Variants in RNF220 observed in about 807,000 individuals in gnomAD.
RNF220 encodes the protein E3 ubiquitin-protein ligase RNF220.
A neutral mutation model predicts 67.1 loss-of-function variants in RNF220; 7 were observed. That is an observed-to-expected ratio of 0.10 (90% CI 0.06 to 0.20). The LOEUF is 0.20. Among genes scored for constraint, RNF220 ranks in the 10% least tolerant of loss-of-function variants. The pLI is 1.00. For missense variants in RNF220, 565 were observed against 740.3 expected (o/e 0.76, Z 2.75); for synonymous variants, 270 against 283.2 (o/e 0.95, Z 0.47).
At chr1:44,461,132 C>G (rs577067718) in intron 2 of RNF220, among the ~76,000 whole-genome samples, 1 of 152,254 alleles carries the variant, frequency 6.6e-6, no homozygotes, top group Non-Finnish European at 1.5e-5. Flanking sequence ...AGTCTGGTGC[C>G]TAGTCAGTAC....
chr1:44,620,525 A>G (rs1009352617), intron 3 of RNF220, among the ~76,000 whole-genome samples: 2 of 152,214 alleles, frequency 1.3e-5, no homozygotes, highest in African/African-American at 4.8e-5. Context: ...AAACTCAAAA[A>G]CTAGTTGCTC....
intron 8 of RNF220, among the ~76,000 whole-genome samples, chr1:44,642,352 A>G (rs904190188): frequency 6.6e-6 from 1 of 152,228 alleles, no homozygotes; most frequent in African/African-American, 2.4e-5. Context: ...ATAAAGGTTG[A>G]AAGAATGGCA....
At chr1:44,576,612 C>T (rs1664822137) in intron 2 of RNF220, among the ~76,000 whole-genome samples, 1 of 152,244 alleles carries the variant, frequency 6.6e-6, no homozygotes, top group South Asian at 2.1e-4. Flanking sequence ...CCAGTGTAAA[C>T]CGGATTTGCC....
At chr1:44,636,502 C>T (rs1644335901) in intron 8 of RNF220, 1 of 715,422 alleles carries the variant, frequency 1.4e-6, no homozygotes, top group Admixed American at 2.0e-5. Context: ...ATCACTCCAT[C>T]CCTCTTAAGG....
At chr1:44,583,793 T>A (rs1357760885) in intron 2 of RNF220, among the ~76,000 whole-genome samples, 4 of 152,246 alleles carry the variant, frequency 2.6e-5, no homozygotes, top group Admixed American at 2.0e-4. Flanking sequence ...TATGTGCCTC[T>A]CATTCCAAAT....
intron 2 of RNF220, among the ~76,000 whole-genome samples, chr1:44,598,338 A>G (rs931143379): frequency 2.6e-5 from 4 of 152,186 alleles, no homozygotes; most frequent in Admixed American, 2.0e-4. Flanking sequence ...AACGAGGCTA[A>G]TGCGGTAAGT....
intron 2 of RNF220, among the ~76,000 whole-genome samples, chr1:44,517,354 C>G (rs1266968791): frequency 1.3e-5 from 2 of 152,180 alleles, no homozygotes; most frequent in Non-Finnish European, 2.9e-5. Flanking sequence ...TTCCCTCTCT[C>G]CAGCCTCCTT....
At position 44,534,445 on chromosome 1, in the gene RNF220, G is replaced by C. The variant is rs536595274; in HGVS notation, c.626-79720G>C. On this transcript the variant is annotated intron_variant, in intron 2 of 14. Coordinates refer to ENST00000361799, the MANE Select transcript of RNF220 (RefSeq NM_018150.4). ...CCCGTTAACTCGTCATTTAGCATTAGGTATATCTCCTAATGCTATCCCTCC... is the reference window on the plus strand; with the variant it reads ...CCCGTTAACTCGTCATTTAGCATTACGTATATCTCCTAATGCTATCCCTCC... 5.9e-5 allele frequency among the ~76,000 whole-genome samples: 9 copies of C among 152,126 alleles called. No homozygotes were observed. The East Asian group carries it at 1.7e-3, about 29-fold the overall frequency.
chr1:44,523,508 C>T (rs1660102793), intron 2 of RNF220, among the ~76,000 whole-genome samples: 1 of 152,236 alleles, frequency 6.6e-6, no homozygotes, highest in African/African-American at 2.4e-5. Flanking sequence ...ATGCCATCCC[C>T]TTGCTAAGGC....
At chr1:44,502,489 C>T (rs1004356942) in intron 2 of RNF220, among the ~76,000 whole-genome samples, 1 of 150,548 alleles carries the variant, frequency 6.6e-6, no homozygotes, top group Non-Finnish European at 1.5e-5. Context: ...TATTAGGCCT[C>T]ATCTTCCTGG....
chr1:44,631,902 T>G (rs1028715978), intron 5 of RNF220: 11 of 986,056 alleles, frequency 1.1e-5, no homozygotes, highest in African/African-American at 7.0e-5. Flanking sequence ...CTGGTCTCTG[T>G]CCGGCCGCCC....
At chr1:44,548,000 T>C (rs1222431447) in intron 2 of RNF220, among the ~76,000 whole-genome samples, 1 of 152,112 alleles carries the variant, frequency 6.6e-6, no homozygotes, top group African/African-American at 2.4e-5. Flanking sequence ...ACTTGTTCTC[T>C]TTCCTTCATT....
At chr1:44,498,367 A>G (rs1657534085) in intron 2 of RNF220, among the ~76,000 whole-genome samples, 1 of 152,102 alleles carries the variant, frequency 6.6e-6, no homozygotes, top group African/African-American at 2.4e-5. Flanking sequence ...CATTTGCTTC[A>G]GTCACTACAC....
Position 44,417,348 on chromosome 1 carries a change from G to T in RNF220, c.625+4626G>T, listed in dbSNP as rs543687532. ...AGTCATGGAGACTCTTTTTCATGCTGCTGGGTTTAATTGTCTTGTTGGGAT... is the reference window on the plus strand; with the variant it reads ...AGTCATGGAGACTCTTTTTCATGCTTCTGGGTTTAATTGTCTTGTTGGGAT... On this transcript the variant is annotated intron_variant, in intron 2 of 14. Transcript: ENST00000361799. This position sits in a 1 kb window ranked among gnomAD's most constrained non-coding sequence, Gnocchi z 4.0. 6.6e-6 allele frequency among the ~76,000 whole-genome samples: 1 copy of T among 150,850 alleles called. No individual in the cohort carries two copies. The highest frequency in any genetic ancestry group is 2.1e-4 in the South Asian group (1 of 4,822).
intron 2 of RNF220, among the ~76,000 whole-genome samples, chr1:44,434,209 G>A (rs918716183): frequency 9.9e-5 from 15 of 152,040 alleles, no homozygotes; most frequent in African/African-American, 3.6e-4. Flanking sequence ...TGGGAATAGG[G>A]GGTCCTGGAA....
chr1:44,510,677 G>A (rs909069731), intron 2 of RNF220, among the ~76,000 whole-genome samples: 2 of 152,084 alleles, frequency 1.3e-5, no homozygotes, highest in Admixed American at 6.6e-5. Context: ...GGGATGTAAC[G>A]TATCATGGTT....
chr1:44,407,721 A>C (rs896708479), intron 1 of RNF220, among the ~76,000 whole-genome samples: 1 of 152,102 alleles, frequency 6.6e-6, no homozygotes, highest in African/African-American at 2.4e-5. Context: ...GCGCATCCGC[A>C]GTCCAGGAGC....
intron 2 of RNF220, among the ~76,000 whole-genome samples, chr1:44,559,572 A>C (rs944855577): frequency 6.6e-6 from 1 of 152,216 alleles, no homozygotes; most frequent in African/African-American, 2.4e-5. Context: ...GCGGTGATGC[A>C]GGGGGCATCC....
chr1:44,636,022 C>T lies in RNF220; in HGVS notation c.994-8C>T, dbSNP rs376550078. ...GGGCCCAGCATGATCCTGCTCTGCT[C>T]TTCACAGAGGGAAGGCTCCTGCATG... On this transcript the variant is annotated splice_polypyrimidine_tract_variant and splice_region_variant and intron_variant, in intron 7 of 14. Transcript: ENST00000361799. 2.5e-6 allele frequency: 4 copies of T among 1,614,088 alleles called. No homozygotes were observed. Among genetic ancestry groups the T allele is most frequent in the Middle Eastern group, 1.6e-4 (1 of 6,082 alleles).
Sources: gnomAD v4.1 joint callset for allele counts (sites outside exome capture counted in the v4.1 genomes callset) on GRCh38, gnomAD v4.1.1 for gene constraint, Gnocchi (gnomAD v3.1) non-coding constraint, MANE v1.5 for transcripts, NCBI Gene and HGNC (gene_info 2026-07-23, HGNC 2026-07-21) for gene names.